Variants in TRPM6 observed in about 807,000 individuals in gnomAD.
TRPM6 encodes the protein channel kinase 2.
TRPM6 carries 111 observed loss-of-function variants against 247.6 expected under a neutral mutation model. The observed-to-expected ratio is 0.45, with a 90% confidence interval of 0.38 to 0.52. The LOEUF (loss-of-function observed/expected upper bound fraction) is 0.52, where lower values mean the gene tolerates loss of function less well. Ranked by LOEUF, TRPM6 falls within the 20% of genes least tolerant of loss-of-function variation. The pLI is 0.00. For missense variants in TRPM6, 2,126 were observed against 2,421.5 expected (o/e 0.88, Z 2.56); for synonymous variants, 892 against 853.8 (o/e 1.04, Z -0.78).
At position 74,775,711 on chromosome 9, in the gene TRPM6, C is replaced by T. The variant is rs185859689; in HGVS notation, c.3403+172G>A. ...ATCTTGGCAAAAGGCACTGCGACCT[C>T]ATAATGAGGTCAATATATTTACTCA... On this transcript the variant is annotated intron_variant, in intron 24 of 38. Coordinates refer to ENST00000360774, the MANE Select transcript of TRPM6 (RefSeq NM_017662.5). Among the ~76,000 whole-genome samples the T allele has an allele frequency of 4.5e-3, 681 of 152,292 alleles. 4 individuals are homozygous for T. Among genetic ancestry groups the T allele is most frequent in the Non-Finnish European group, 7.0e-3 (476 of 68,024 alleles).
intron 1 of TRPM6, among the ~76,000 whole-genome samples, chr9:74,878,066 C>T (rs547735866): frequency 6.6e-6 from 1 of 152,214 alleles, no homozygotes; most frequent in East Asian, 1.9e-4. Flanking sequence ...ATGGGCTCAC[C>T]CAACCTGCCA....
chr9:74,834,230 T>C, intron 5 of TRPM6, 108 bp from the exon 6 acceptor site: 1 of 1,316,806 alleles, frequency 7.6e-7, no homozygotes, highest in Non-Finnish European at 1.1e-6. Context: ...AGGGCTATTC[T>C]TAGGGAGAGT....
intron 9 of TRPM6, 79 bp downstream of exon 9, chr9:74,820,225 T>C: frequency 6.6e-7 from 1 of 1,512,496 alleles, no homozygotes; most frequent in Admixed American, 1.7e-5. Context: ...TGTTTTTTTT[T>C]AATTGTGAAA....
At chr9:74,880,638 A>G (rs1249032444) in intron 1 of TRPM6, among the ~76,000 whole-genome samples, 2 of 152,298 alleles carry the variant, frequency 1.3e-5, no homozygotes, top group East Asian at 3.9e-4. Context: ...CAGATAAGCA[A>G]AAGCTGAAGA....
chr9:74,789,403 G>T (rs1401342427), intron 19 of TRPM6, among the ~76,000 whole-genome samples: 1 of 152,118 alleles, frequency 6.6e-6, no homozygotes, highest in Non-Finnish European at 1.5e-5. Context: ...AGTCTTGAAA[G>T]AATTAAGACA....
rs1206867561 is a variant in TRPM6 at position 74,802,084 on chromosome 9, T to C, written c.1823A>G (p.Tyr608Cys). Residue 608 changes from tyrosine to cysteine, a missense_variant, in exon 16 of 39, where the codon TAC (tyrosine) becomes TGC (cysteine). This residue lies in a region of TRPM6 where 1,082 missense variants were observed against 1,307.9 expected (regional missense o/e 0.83). Transcript: ENST00000360774. The part of the protein sequence containing the change: ...DPESTGFLYP[Y>C]NDLLVWAVLM... ...CACAGCCCAAACCAGCAGGTCATTG[T>C]AAGGGTAAAGAAAGCCAGTAGACTC... is the stretch of plus-strand genomic sequence containing the variant. 6.2e-7 allele frequency: 1 copy of C among 1,614,188 alleles called. No homozygotes were observed. Among genetic ancestry groups the C allele is most frequent in the East Asian group, 2.2e-5 (1 of 44,884 alleles).
intron 33 of TRPM6, among the ~76,000 whole-genome samples, chr9:74,741,409 C>A (rs914185985): frequency 6.6e-6 from 1 of 151,984 alleles, no homozygotes; most frequent in Admixed American, 6.6e-5. Flanking sequence ...CATCTAATTC[C>A]TCACCAATAA....
At chr9:74,844,628 T>A (rs1013174080) in intron 3 of TRPM6, among the ~76,000 whole-genome samples, 2 of 152,256 alleles carry the variant, frequency 1.3e-5, no homozygotes, top group Non-Finnish European at 2.9e-5. Context: ...ATGCTGTGGC[T>A]GGTTTGATCT....
intron 19 of TRPM6, among the ~76,000 whole-genome samples, chr9:74,789,539 T>G (rs985354758): frequency 2.6e-5 from 4 of 152,114 alleles, no homozygotes; most frequent in Non-Finnish European, 5.9e-5. Context: ...CTGTGACAAA[T>G]ATTACTAAAT....
chr9:74,816,845 T>C lies in TRPM6; in HGVS notation c.1207+47A>G, dbSNP rs765349685. On this transcript the variant is annotated intron_variant, in intron 10 of 38. Coordinates refer to ENST00000360774, the MANE Select transcript of TRPM6 (RefSeq NM_017662.5). ...AAGAAGCACAAAGTACTGTGGAACA[T>C]GAGAAGCGTAAATGAGGAACAATTG... 4 of 1,609,372 alleles carry C rather than the reference T, an allele frequency of 2.5e-6. No homozygotes were observed. In the African/African-American group the frequency reaches 4.0e-5, roughly 16 times the overall value.
intron 24 of TRPM6, among the ~76,000 whole-genome samples, chr9:74,772,891 C>T (rs111899522): frequency 0.018 from 2,707 of 152,188 alleles, 87 homozygotes; most frequent in African/African-American, 0.062. Flanking sequence ...TTGGAGCCCC[C>T]CTCCCTCTAT....
At chr9:74,748,120 G>A (rs1826114884) in intron 30 of TRPM6, among the ~76,000 whole-genome samples, 1 of 152,170 alleles carries the variant, frequency 6.6e-6, no homozygotes, top group African/African-American at 2.4e-5. Context: ...GATTATAACA[G>A]AGCTGAAAAA....
intron 7 of TRPM6, among the ~76,000 whole-genome samples, chr9:74,826,170 T>C (rs1262420334): frequency 6.6e-6 from 1 of 152,212 alleles, no homozygotes; most frequent in South Asian, 2.1e-4. Flanking sequence ...ACATCCCTAA[T>C]ATACATCTTC....
In TRPM6 at chr9:74,834,134, C is replaced by A; in HGVS notation, c.545-12G>T. 1 of 1,613,836 alleles carries A rather than the reference C, an allele frequency of 6.2e-7. No homozygotes were observed. The highest frequency in any genetic ancestry group is 8.5e-7 in the Non-Finnish European group (1 of 1,179,820). ...ATGCTTGGACACTCCTATGAACAAC[C>A]AGTTTAGAAGTCAAACTTTAATTCA... On this transcript the variant is annotated splice_polypyrimidine_tract_variant and intron_variant, in intron 5 of 38. Transcript: ENST00000360774.
chr9:74,851,220 G>A (rs538849366), intron 3 of TRPM6, among the ~76,000 whole-genome samples: 7 of 151,714 alleles, frequency 4.6e-5, no homozygotes, highest in African/African-American at 1.5e-4. Context: ...AAGTCTCAAA[G>A]AACATATCAC....
intron 13 of TRPM6, among the ~76,000 whole-genome samples, chr9:74,810,154 A>G (rs777383122): frequency 6.6e-6 from 1 of 152,106 alleles, no homozygotes; most frequent in Non-Finnish European, 1.5e-5. Context: ...AATAAATAAA[A>G]AGTACTCCCA....
chr9:74,748,397 A>G (rs1307046728), intron 30 of TRPM6, among the ~76,000 whole-genome samples: 2 of 152,212 alleles, frequency 1.3e-5, no homozygotes, highest in Non-Finnish European at 2.9e-5. Context: ...TTAACTGTAA[A>G]CAGCCTCTGG....
intron 20 of TRPM6, among the ~76,000 whole-genome samples, chr9:74,786,608 C>A (rs1331559828): frequency 6.6e-6 from 1 of 151,954 alleles, no homozygotes; most frequent in African/African-American, 2.4e-5. Context: ...GGCGTGGTTG[C>A]GGGTGCCTGT....
intron 17 of TRPM6, chr9:74,799,793 C>A: frequency 5.2e-6 from 1 of 191,372 alleles, no homozygotes; most frequent in East Asian, 1.3e-4. Flanking sequence ...AAATTATACC[C>A]ATTTTTCAAA....
Sources: gnomAD v4.1 joint callset for allele counts (sites outside exome capture counted in the v4.1 genomes callset) on GRCh38, gnomAD v4.1.1 for gene constraint, gnomAD v4.1.1 regional missense constraint, MANE v1.5 for transcripts, NCBI Gene and HGNC (gene_info 2026-07-23, HGNC 2026-07-21) for gene names.